ATP9B: variants seen among roughly 807,000 people sequenced by gnomAD.
ATP9B encodes probable phospholipid-transporting ATPase IIB.
In ATP9B, 110 loss-of-function variants were observed where a neutral mutation model predicts 146.1. The ratio of observed to expected loss-of-function variants is 0.75; its 90% confidence interval spans 0.65 to 0.88. The LOEUF (loss-of-function observed/expected upper bound fraction) is 0.88, where lower values mean the gene tolerates loss of function less well. Ranked by LOEUF, ATP9B falls within the 40% of genes least tolerant of loss-of-function variation. The pLI is 0.00. For missense variants in ATP9B, 1,499 were observed against 1,496.4 expected (o/e 1.00, Z -0.03); for synonymous variants, 604 against 569.7 (o/e 1.06, Z -0.86).
intron 11 of ATP9B, among the ~76,000 whole-genome samples, chr18:79,220,095 A>G (rs1374235192): frequency 6.6e-6 from 1 of 152,186 alleles, no homozygotes; most frequent in African/African-American, 2.4e-5. Context: ...ACATGTAAGC[A>G]GAGAAGGCAG....
chr18:79,321,163 GC>G (rs770118871), intron 15 of ATP9B, among the ~76,000 whole-genome samples: 4 of 152,228 alleles, frequency 2.6e-5, no homozygotes, highest in Non-Finnish European at 4.4e-5. Flanking sequence ...CTTACGTGCT[GC>G]AGAGCTGCAG....
intron 7 of ATP9B, among the ~76,000 whole-genome samples, chr18:79,167,746 C>T (rs900500373): frequency 2.6e-5 from 4 of 152,226 alleles, no homozygotes; most frequent in Admixed American, 6.5e-5. Context: ...GAAGTCCTCA[C>T]TTCCGGCAGT....
chr18:79,079,445 T>C (rs983103910), intron 1 of ATP9B, among the ~76,000 whole-genome samples: 3 of 152,230 alleles, frequency 2.0e-5, no homozygotes, highest in African/African-American at 7.2e-5. Flanking sequence ...CATAAATGTC[T>C]TCATTTGAAA....
intron 15 of ATP9B, among the ~76,000 whole-genome samples, chr18:79,327,504 CTCTCTCCA>C: frequency 8.1e-6 from 1 of 123,856 alleles, no homozygotes; most frequent in East Asian, 2.4e-4. Context: ...GGTTAGTGTG[CTCTCTCCA>C]TGGTTAGCGT....
intron 5 of ATP9B, among the ~76,000 whole-genome samples, chr18:79,135,970 ATC>A (rs998627271): frequency 4.6e-5 from 7 of 151,836 alleles, no homozygotes; most frequent in Non-Finnish European, 8.8e-5. Context: ...TGCTCCATTG[ATC>A]TGTTTGTCTG....
intron 1 of ATP9B, among the ~76,000 whole-genome samples, chr18:79,073,643 G>T (rs2072248905): frequency 6.6e-6 from 1 of 152,124 alleles, no homozygotes; most frequent in Admixed American, 6.5e-5. Flanking sequence ...AGGGAGGGGG[G>T]AGACCGTGGA....
chr18:79,104,697 G>T (rs189147028), intron 2 of ATP9B, among the ~76,000 whole-genome samples: 2 of 152,088 alleles, frequency 1.3e-5, no homozygotes, highest in East Asian at 3.9e-4. Flanking sequence ...GTGTTTGCGG[G>T]AGTTAAAACA....
intron 12 of ATP9B, among the ~76,000 whole-genome samples, chr18:79,269,565 A>T (rs941664738): frequency 6.6e-6 from 1 of 151,860 alleles, no homozygotes; most frequent in Non-Finnish European, 1.5e-5. Flanking sequence ...CAATCTTTTT[A>T]TGTTGTATTT....
At chr18:79,369,289 C>G (rs2097054692) in intron 26 of ATP9B, among the ~76,000 whole-genome samples, 1 of 147,072 alleles carries the variant, frequency 6.8e-6, no homozygotes, top group African/African-American at 2.5e-5. Context: ...AATCCCAGCA[C>G]TTTGGGAGGC....
intron 12 of ATP9B, among the ~76,000 whole-genome samples, chr18:79,259,559 T>C (rs750842740): frequency 6.6e-6 from 1 of 152,022 alleles, no homozygotes; most frequent in African/African-American, 2.4e-5. Flanking sequence ...AGGTGAAGGG[T>C]GTTTGTGTGG....
At chr18:79,332,196 A>G (rs144984004) in intron 17 of ATP9B, among the ~76,000 whole-genome samples, 5,471 of 152,292 alleles carry the variant, frequency 0.036, 309 homozygotes, top group African/African-American at 0.12. Flanking sequence ...TTGGGAGGCC[A>G]AGGCGGGCAG....
At chr18:79,343,073 G>A (rs117857409) in intron 20 of ATP9B, among the ~76,000 whole-genome samples, 228 of 152,274 alleles carry the variant, frequency 1.5e-3, no homozygotes, top group Non-Finnish European at 2.7e-3. Flanking sequence ...CTGTGTCTGC[G>A]TCTGTTCTAA....
Position 79,370,086 on chromosome 18 carries a change from A to C in ATP9B, c.3013-2739A>C, listed in dbSNP as rs369469533. Among the ~76,000 whole-genome samples the C allele has an allele frequency of 3.3e-5, 5 of 152,222 alleles. No homozygotes were observed. The South Asian group carries it at 8.3e-4, about 25-fold the overall frequency. On this transcript the variant is annotated intron_variant, in intron 26 of 29. Transcript: ENST00000426216. The stretch of plus-strand genomic sequence containing the variant: ...TGCACTCTAGCCTGGGCAACAGAGC[A>C]AGACTCCATCTCAAAAAAATGAAAA...
intron 11 of ATP9B, among the ~76,000 whole-genome samples, chr18:79,245,728 T>C (rs112367480): frequency 2.3e-3 from 215 of 92,164 alleles, no homozygotes; most frequent in African/African-American, 7.5e-3. Context: ...ACTGACTGTG[T>C]GGAGGACACC....
At chr18:79,328,355 A>G (rs568542171) in intron 15 of ATP9B, among the ~76,000 whole-genome samples, 83 of 152,334 alleles carry the variant, frequency 5.4e-4, no homozygotes, top group African/African-American at 1.9e-3. Flanking sequence ...TTCACAAATT[A>G]TTAACTGTAA....
At chr18:79,108,645 G>A (rs1328268740) in intron 2 of ATP9B, among the ~76,000 whole-genome samples, 2 of 152,186 alleles carry the variant, frequency 1.3e-5, no homozygotes, top group Non-Finnish European at 2.9e-5. Flanking sequence ...CAGAGCATCA[G>A]CCCCGTGAGC....
intron 13 of ATP9B, among the ~76,000 whole-genome samples, chr18:79,294,414 C>CAAGG: frequency 6.6e-6 from 1 of 152,356 alleles, no homozygotes; most frequent in African/African-American, 2.4e-5. Flanking sequence ...TCCACGGAAC[C>CAAGG]TTGCCTCGCC....
Position 79,340,659 on chromosome 18 carries a change from T to C in ATP9B, c.2284-1609T>C, listed in dbSNP as rs1018986330. ...TTACTGGAAGTTCTTTGCTGTTATA[T>C]ATATCAAATATCCTGTCATGTATTA... On this transcript the variant is annotated intron_variant, in intron 19 of 29. Coordinates refer to ENST00000426216, the MANE Select transcript of ATP9B (RefSeq NM_198531.5). Among the ~76,000 whole-genome samples, 14 of 152,246 alleles carry C rather than the reference T, an allele frequency of 9.2e-5. 1 individual carries two copies. Among genetic ancestry groups the C allele is most frequent in the Non-Finnish European group, 8.8e-5 (6 of 68,036 alleles).
At chr18:79,129,414 G>A (rs1402293422) in intron 5 of ATP9B, among the ~76,000 whole-genome samples, 1 of 152,174 alleles carries the variant, frequency 6.6e-6, no homozygotes, top group Admixed American at 6.5e-5. Context: ...AGTTGTTAAT[G>A]GCCTGGCTAA....
Sources: gnomAD v4.1 joint callset for allele counts (sites outside exome capture counted in the v4.1 genomes callset) on GRCh38, gnomAD v4.1.1 for gene constraint, MANE v1.5 for transcripts, NCBI Gene and HGNC (gene_info 2026-07-23, HGNC 2026-07-21) for gene names.